GALNT12: variants seen among roughly 807,000 people sequenced by gnomAD.
GALNT12 encodes the protein UDP-GalNAc:polypeptide N-acetylgalactosaminyltransferase 12.
Under a neutral mutation model 55.5 loss-of-function variants are expected in GALNT12, and 45 were observed. The ratio of observed to expected loss-of-function variants is 0.81; its 90% confidence interval spans 0.64 to 1.04. The LOEUF (loss-of-function observed/expected upper bound fraction) is 1.04, where lower values mean the gene tolerates loss of function less well. Ranked by LOEUF, GALNT12 falls within the 50% of genes least tolerant of loss-of-function variation. GALNT12 has a pLI of 0.00. For missense variants in GALNT12, 709 were observed against 754.8 expected (o/e 0.94, Z 0.71); for synonymous variants, 304 against 312.2 (o/e 0.97, Z 0.28).
rs985027270 is a variant in GALNT12 at position 98,849,213 on chromosome 9, C to A, written c.*121C>A. The A allele has an allele frequency of 2.1e-5, 20 of 957,806 alleles. No individual in the cohort carries two copies. The African/African-American group carries it at 3.1e-4, about 15-fold the overall frequency. 59.3% of individuals were successfully genotyped at this position (957,806 alleles called of 1,614,324 possible). ...ACTAGGCTGCATTGCTTTGAAGAGG[C>A]AATCATTTTGCCATTTGTGAAAGTT... On this transcript the variant is annotated 3_prime_UTR_variant, in exon 10 of 10. Coordinates refer to ENST00000375011, the MANE Select transcript of GALNT12 (RefSeq NM_024642.5).
chr9:98,844,052 G>A (rs1836356510), intron 7 of GALNT12, 44 bp from the exon 8 acceptor site: 1 of 1,341,324 alleles, frequency 7.5e-7, no homozygotes, highest in Non-Finnish European at 1.1e-6. Flanking sequence ...ATCTGTTAGT[G>A]TCTATAAATC....
intron 1 of GALNT12, among the ~76,000 whole-genome samples, chr9:98,811,742 G>A (rs1835500439): frequency 6.7e-6 from 1 of 150,212 alleles, no homozygotes; most frequent in South Asian, 2.1e-4. Context: ...GAGTACAATG[G>A]TGCGATCTTG....
At chr9:98,845,648 G>A (rs1404087594) in intron 8 of GALNT12, among the ~76,000 whole-genome samples, 2 of 152,078 alleles carry the variant, frequency 1.3e-5, no homozygotes, top group East Asian at 1.9e-4. Context: ...CTAGTGCTGC[G>A]ATGGGTCCAT....
intron 9 of GALNT12, among the ~76,000 whole-genome samples, chr9:98,848,241 C>T (rs185528022): frequency 0.022 from 3,289 of 151,972 alleles, 62 homozygotes; most frequent in Middle Eastern, 0.034. Context: ...AAAGGTTTTT[C>T]ACTGATGTTG....
chr9:98,848,218 A>G (rs1233689287), intron 9 of GALNT12, among the ~76,000 whole-genome samples: 1 of 152,178 alleles, frequency 6.6e-6, no homozygotes, highest in African/African-American at 2.4e-5. Context: ...CCATTTAGTG[A>G]ACAGCACATC....
In GALNT12 at chr9:98,823,504, G is replaced by A. The variant is rs373850023; in HGVS notation, c.541+79G>A. On this transcript the variant is annotated intron_variant, in intron 2 of 9. Transcript: ENST00000375011. Reference sequence around the variant, plus strand: ...GGAGGTGAGAGTGGGATGCAGGAGGGCTAAAGTAGGCCCAGTAAGGATGGG... The same window carrying A: ...GGAGGTGAGAGTGGGATGCAGGAGGACTAAAGTAGGCCCAGTAAGGATGGG... The A allele has an allele frequency of 6.5e-4, 819 of 1,265,888 alleles. 5 individuals carry two copies. The African/African-American group carries it at 0.011, about 17-fold the overall frequency. The allele number at this position is 1,265,888 out of a possible 1,614,324, so 78.4% of individuals were successfully genotyped here.
Position 98,823,333 on chromosome 9 carries a change from C to A in GALNT12, c.449C>A (p.Ser150Ter). Reference sequence around the variant, plus strand: ...ATAGCATTTTATAATGAAGCCTGGTCAACTCTCCTTCGGACAGTTTACAGT... The same window carrying A: ...ATAGCATTTTATAATGAAGCCTGGTAAACTCTCCTTCGGACAGTTTACAGT... Reference protein sequence around the residue: ...VIIAFYNEAWSTLLRTVYSVL... With the variant: ...VIIAFYNEAW Residue 150 changes from serine to a stop codon, truncating the protein, a stop_gained, in exon 2 of 10, where the codon TCA becomes TAA. Coordinates refer to ENST00000375011, the MANE Select transcript of GALNT12 (RefSeq NM_024642.5). LOFTEE classifies it high-confidence loss of function. 6.2e-7 allele frequency: 1 copy of A among 1,613,018 alleles called. No homozygotes were observed. The highest frequency in any genetic ancestry group is 1.7e-4 in the Middle Eastern group (1 of 6,060).
chr9:98,835,237 A>G lies in GALNT12; in HGVS notation c.918-12A>G, dbSNP rs748459683. On this transcript the variant is annotated splice_polypyrimidine_tract_variant and intron_variant, in intron 4 of 9. Transcript: ENST00000375011. The stretch of plus-strand genomic sequence containing the variant: ...CTGTCTACAGTGAAATAAGGATATC[A>G]TACTTTTTTAGGTCTCCAACAATGG... 1.9e-6 allele frequency: 3 copies of G among 1,570,670 alleles called. No individual in the cohort carries two copies. Among genetic ancestry groups the G allele is most frequent in the Non-Finnish European group, 1.8e-6 (2 of 1,140,246 alleles).
At chr9:98,836,593 C>A (rs1008713466) in intron 5 of GALNT12, among the ~76,000 whole-genome samples, 1 of 152,176 alleles carries the variant, frequency 6.6e-6, no homozygotes, top group Non-Finnish European at 1.5e-5. Context: ...CCCTTCCAAA[C>A]CTCTTTTCTT....
At chr9:98,822,376 C>G (rs1564250778) in intron 1 of GALNT12, among the ~76,000 whole-genome samples, 1 of 152,222 alleles carries the variant, frequency 6.6e-6, no homozygotes, top group East Asian at 1.9e-4. Context: ...TCATGTCACT[C>G]AGGATAGAAT....
At position 98,849,513 on chromosome 9, in the gene GALNT12, G is replaced by A. The variant is rs2273848; in HGVS notation, c.*421G>A. 0.052 allele frequency: 26,090 copies of A among 498,652 alleles called. 877 individuals are homozygous for A. Among genetic ancestry groups the A allele is most frequent in the East Asian group, 0.12 (3,870 of 32,368 alleles). The allele number at this position is 498,652 out of a possible 1,614,324, so 30.9% of individuals were successfully genotyped here. Reference sequence around the variant, plus strand: ...TGGGTGGAAATCAGGTTCAAGCAACGTACTTTGCATTAACTGATAATACCT... The same window carrying A: ...TGGGTGGAAATCAGGTTCAAGCAACATACTTTGCATTAACTGATAATACCT... On this transcript the variant is annotated 3_prime_UTR_variant, in exon 10 of 10. Transcript: ENST00000375011.
intron 8 of GALNT12, 55 bp downstream of exon 8, chr9:98,844,264 A>C: frequency 8.1e-7 from 1 of 1,237,972 alleles, no homozygotes; most frequent in Non-Finnish European, 1.2e-6. Context: ...AAAAAATTAA[A>C]TAGTTGAATT....
intron 1 of GALNT12, among the ~76,000 whole-genome samples, chr9:98,811,721 T>G (rs1323899869): frequency 6.6e-6 from 1 of 150,972 alleles, no homozygotes; most frequent in African/African-American, 2.4e-5. Flanking sequence ...CTTGCTATGT[T>G]GCCCAGGCTG....
At chr9:98,826,999 G>A in intron 3 of GALNT12, 58 bp downstream of exon 3, 15 of 1,515,470 alleles carry the variant, frequency 9.9e-6, no homozygotes, top group Non-Finnish European at 1.3e-5. Flanking sequence ...GGTAGCATGA[G>A]GAACAGACTC....
intron 9 of GALNT12, among the ~76,000 whole-genome samples, chr9:98,848,050 A>C (rs1190769266): frequency 1.3e-5 from 2 of 152,168 alleles, no homozygotes; most frequent in African/African-American, 4.8e-5. Context: ...TTTGGCCTCA[A>C]GTGATCCACC....
intron 2 of GALNT12, 114 bp downstream of exon 2, chr9:98,823,539 TCCTCCTGTAC>T (rs1327333185): frequency 1.1e-6 from 1 of 884,512 alleles, no homozygotes; most frequent in South Asian, 1.4e-5. Flanking sequence ...GCTTCCTGTA[TCCTCCTGTAC>T]CCAAGGAAGA....
At chr9:98,826,667 G>A in intron 2 of GALNT12, 85 bp from the exon 3 acceptor site, 1 of 1,309,798 alleles carries the variant, frequency 7.6e-7, no homozygotes, top group East Asian at 2.5e-5. Flanking sequence ...GTTTGGGACA[G>A]GGAGGCCCAG....
chr9:98,845,883 A>G, intron 8 of GALNT12, 94 bp from the exon 9 acceptor site: 2 of 1,371,878 alleles, frequency 1.5e-6, no homozygotes, highest in East Asian at 2.5e-5. Context: ...GACCCCACCC[A>G]TGCTCTCGTG....
At chr9:98,812,416 A>G (rs538286764) in intron 1 of GALNT12, among the ~76,000 whole-genome samples, 1 of 152,038 alleles carries the variant, frequency 6.6e-6, no homozygotes, top group African/African-American at 2.4e-5. Context: ...CATGGTGAAA[A>G]CCTGTCTGTA....
Sources: allele counts gnomAD v4.1 joint callset (sites outside exome capture counted in the v4.1 genomes callset), GRCh38; gene constraint gnomAD v4.1.1; transcripts MANE v1.5; gene names NCBI Gene and HGNC (gene_info 2026-07-23, HGNC 2026-07-21).